The following PPP3CA variants were observed in gnomAD, a reference collection of about 807,000 sequenced individuals.
PPP3CA encodes protein phosphatase 3 catalytic subunit alpha, also known as CAM-PRP catalytic subunit.
Under a neutral mutation model 66.5 loss-of-function variants are expected in PPP3CA, and 14 were observed. The observed-to-expected ratio is 0.21, with a 90% CI of 0.14 to 0.33. PPP3CA has a LOEUF of 0.33. Among genes scored for constraint, PPP3CA ranks in the 10% least tolerant of loss-of-function variants. The probability of loss-of-function intolerance (pLI) is 1.00; values close to 1 mark genes in which losing one functional copy is unlikely to be tolerated. For synonymous variants in PPP3CA, 232 were observed against 226.2 expected (o/e 1.03, Z -0.23); for missense variants, 317 against 639.5 (o/e 0.50, Z 5.44).
intron 1 of PPP3CA, among the ~76,000 whole-genome samples, chr4:101,302,112 A>G (rs1728397809): frequency 6.6e-6 from 1 of 152,164 alleles, no homozygotes; most frequent in Non-Finnish European, 1.5e-5. Flanking sequence ...ATAATAATGA[A>G]AAACAAAATG....
At chr4:101,072,091 C>T (rs1310014102) in intron 8 of PPP3CA, among the ~76,000 whole-genome samples, 3 of 152,124 alleles carry the variant, frequency 2.0e-5, no homozygotes, top group Non-Finnish European at 2.9e-5. Flanking sequence ...GCTGAATAAA[C>T]AAAAGCAAAA....
chr4:101,203,229 G>A (rs7671029), intron 1 of PPP3CA, among the ~76,000 whole-genome samples: 39 of 152,186 alleles, frequency 2.6e-4, no homozygotes, highest in African/African-American at 8.4e-4. Flanking sequence ...GGGTGCGGTG[G>A]CTCACGCTGG....
Position 101,273,981 on chromosome 4 carries a change from T to C in PPP3CA, c.58+72758A>G, listed in dbSNP as rs528185825. 3.3e-5 allele frequency among the ~76,000 whole-genome samples: 5 copies of C among 152,032 alleles called. No homozygotes were observed. In the East Asian group the frequency reaches 5.8e-4, roughly 18 times the overall value. ...GAAAAAAAATCTTTATACAAAGAAA[T>C]TGCAGAATAACTCTTTAAGTAGCAT... On this transcript the variant is annotated intron_variant, in intron 1 of 13. Coordinates refer to ENST00000394854, the MANE Select transcript of PPP3CA (RefSeq NM_000944.5).
At chr4:101,057,284 T>C (rs1728268214) in intron 10 of PPP3CA, among the ~76,000 whole-genome samples, 1 of 152,202 alleles carries the variant, frequency 6.6e-6, no homozygotes, top group African/African-American at 2.4e-5. Flanking sequence ...CTCCAACTCC[T>C]GACCTCAAGT....
intron 1 of PPP3CA, among the ~76,000 whole-genome samples, chr4:101,218,147 G>A (rs1377638908): frequency 6.6e-6 from 1 of 152,028 alleles, no homozygotes; most frequent in African/African-American, 2.4e-5. Context: ...AGGAGAAACT[G>A]TCAAAGAATG....
intron 3 of PPP3CA, among the ~76,000 whole-genome samples, chr4:101,103,095 A>T (rs567537621): frequency 6.6e-6 from 1 of 152,290 alleles, no homozygotes; most frequent in African/African-American, 2.4e-5. Context: ...TAAGAATATA[A>T]TTTTCTTCGT....
At chr4:101,246,695 C>T (rs1005306724) in intron 1 of PPP3CA, among the ~76,000 whole-genome samples, 1 of 152,106 alleles carries the variant, frequency 6.6e-6, no homozygotes, top group Non-Finnish European at 1.5e-5. Flanking sequence ...CATACACACA[C>T]AGTGTGTACC....
chr4:101,068,216 C>T (rs1020348117), intron 8 of PPP3CA, among the ~76,000 whole-genome samples: 24 of 152,110 alleles, frequency 1.6e-4, no homozygotes, highest in Admixed American at 5.2e-4. Flanking sequence ...GGGGGCATTC[C>T]AGAATCATAA....
At chr4:101,219,223 A>AGCCAAAGGCAT (rs1725548037) in intron 1 of PPP3CA, among the ~76,000 whole-genome samples, 1 of 152,024 alleles carries the variant, frequency 6.6e-6, no homozygotes, top group East Asian at 1.9e-4. Context: ...TATACTATGT[A>AGCCAAAGGCAT]TAATCCAGAT....
At chr4:101,158,004 A>G (rs1723380989) in intron 2 of PPP3CA, among the ~76,000 whole-genome samples, 1 of 152,124 alleles carries the variant, frequency 6.6e-6, no homozygotes, top group Admixed American at 6.5e-5. Context: ...TGTCATATTG[A>G]TATACATCCT....
intron 2 of PPP3CA, among the ~76,000 whole-genome samples, chr4:101,119,960 G>A (rs1288095477): frequency 6.6e-6 from 1 of 151,832 alleles, no homozygotes; most frequent in East Asian, 1.9e-4. Context: ...CAGCATATTT[G>A]GAAATTAAAT....
At chr4:101,133,742 C>A (rs535863736) in intron 2 of PPP3CA, among the ~76,000 whole-genome samples, 1 of 152,190 alleles carries the variant, frequency 6.6e-6, no homozygotes, top group South Asian at 2.1e-4. Context: ...AGAAAAAAAA[C>A]TACTTTAAAT....
Position 101,304,141 on chromosome 4 carries a change from C to T in PPP3CA, c.58+42598G>A, listed in dbSNP as rs549659619. ...TATTATGCATTATCAATCAAAGTTTCTTAACATGTGTACAAAGACCTCTTT... is the reference window on the plus strand; with the variant it reads ...TATTATGCATTATCAATCAAAGTTTTTTAACATGTGTACAAAGACCTCTTT... On this transcript the variant is annotated intron_variant, in intron 1 of 13. Transcript: ENST00000394854. Among the ~76,000 whole-genome samples, 285 of 152,240 alleles carry T rather than the reference C, an allele frequency of 1.9e-3. 1 individual carries two copies. The highest frequency in any genetic ancestry group is 6.5e-3 in the African/African-American group (270 of 41,552).
At chr4:101,090,995 A>G (rs888026513) in intron 6 of PPP3CA, among the ~76,000 whole-genome samples, 1 of 150,522 alleles carries the variant, frequency 6.6e-6, no homozygotes, top group African/African-American at 2.5e-5. Context: ...CATAATATAT[A>G]CACATCTGTG....
chr4:101,148,064 TATAAG>T (rs1337064499), intron 2 of PPP3CA, among the ~76,000 whole-genome samples: 3 of 152,118 alleles, frequency 2.0e-5, no homozygotes, highest in Non-Finnish European at 4.4e-5. Context: ...TCAACCAAAA[TATAAG>T]ATAACAGTTT....
intron 8 of PPP3CA, among the ~76,000 whole-genome samples, chr4:101,067,695 T>C (rs1728741142): frequency 6.7e-6 from 1 of 149,956 alleles, no homozygotes; most frequent in Admixed American, 6.6e-5. Flanking sequence ...GGGATAGCAT[T>C]AGGTGATATA....
chr4:101,033,120 A>G (rs1727061233), intron 11 of PPP3CA, among the ~76,000 whole-genome samples: 1 of 152,134 alleles, frequency 6.6e-6, no homozygotes, highest in Non-Finnish European at 1.5e-5. Context: ...TTAAATCCTC[A>G]TAATTAAATA....
chr4:101,087,241 G>A (rs1729712422), intron 6 of PPP3CA, among the ~76,000 whole-genome samples: 1 of 151,292 alleles, frequency 6.6e-6, no homozygotes, highest in South Asian at 2.1e-4. Context: ...GTCCAATGGG[G>A]ATCAAGTCCT....
At chr4:101,276,753 C>T (rs73835910) in intron 1 of PPP3CA, among the ~76,000 whole-genome samples, 1 of 152,054 alleles carries the variant, frequency 6.6e-6, no homozygotes, top group Admixed American at 6.6e-5. Flanking sequence ...GAAAAAAAAA[C>T]TGAATGGTAA....
Sources: allele counts gnomAD v4.1 joint callset (sites outside exome capture counted in the v4.1 genomes callset), GRCh38; gene constraint gnomAD v4.1.1; transcripts MANE v1.5; gene names NCBI Gene and HGNC (gene_info 2026-07-23, HGNC 2026-07-21).